Variants in ELFN1 observed in about 807,000 individuals in gnomAD.
ELFN1 encodes protein ELFN1.
ELFN1 carries 6 observed loss-of-function variants against 7.6 expected under a neutral mutation model. The ratio of observed to expected loss-of-function variants is 0.79; its 90% CI spans 0.43 to 1.56. The LOEUF (loss-of-function observed/expected upper bound fraction) is 1.56, where lower values mean the gene tolerates loss of function less well. Among genes scored for constraint, ELFN1 ranks in the 40% most tolerant of loss-of-function variants. The pLI is 0.01. For missense variants in ELFN1, 1,169 were observed against 1,232.2 expected (o/e 0.95, Z 0.77); for synonymous variants, 657 against 588.1 (o/e 1.12, Z -1.70).
chr7:1,732,466 A>T (rs541194544), intron 3 of ELFN1, among the ~76,000 whole-genome samples: 15 of 152,224 alleles, frequency 9.9e-5, no homozygotes, highest in African/African-American at 3.6e-4. Flanking sequence ...CTGGGTGGAG[A>T]TGGAGCACCA....
At chr7:1,702,806 G>T (rs560399774) in intron 2 of ELFN1, among the ~76,000 whole-genome samples, 43 of 151,340 alleles carry the variant, frequency 2.8e-4, no homozygotes, top group South Asian at 8.3e-4. Flanking sequence ...TATAATTTTT[G>T]TTTCTTTTTC....
At chr7:1,717,442 G>C (rs1040499680) in intron 3 of ELFN1, among the ~76,000 whole-genome samples, 1 of 152,208 alleles carries the variant, frequency 6.6e-6, no homozygotes, top group African/African-American at 2.4e-5. Context: ...ACCCAGGAAG[G>C]GGCAGGTGGA....
intron 2 of ELFN1, among the ~76,000 whole-genome samples, chr7:1,703,996 A>G (rs1323952178): frequency 3.3e-5 from 5 of 152,214 alleles, no homozygotes; most frequent in African/African-American, 7.2e-5. Context: ...ACCTTCAGCA[A>G]GAGGTGTCAC....
At position 1,685,295 on chromosome 7, in the gene ELFN1, T is replaced by C. The variant is rs568914538; in HGVS notation, c.-548-2763T>C. 5.9e-5 allele frequency among the ~76,000 whole-genome samples: 9 copies of C among 152,316 alleles called. No individual in the cohort carries two copies. In the South Asian group the frequency reaches 1.9e-3, roughly 32 times the overall value. On this transcript the variant is annotated intron_variant, in intron 1 of 3. Coordinates refer to ENST00000424383, the MANE Select transcript of ELFN1 (RefSeq NM_001128636.4). ...TGTGTCCAGGTTTGGATTTTTCTTG[T>C]GTTCATCTTATTTGGTGTTTGTTGA... is the stretch of plus-strand genomic sequence containing the variant.
At chr7:1,696,660 C>G (rs1779320375) in intron 2 of ELFN1, among the ~76,000 whole-genome samples, 1 of 152,148 alleles carries the variant, frequency 6.6e-6, no homozygotes, top group Non-Finnish European at 1.5e-5. Context: ...CCTCAGCCTC[C>G]CAAAGTGTTG....
intron 2 of ELFN1, among the ~76,000 whole-genome samples, chr7:1,696,011 A>G (rs1324060653): frequency 1.3e-5 from 2 of 152,148 alleles, no homozygotes; most frequent in East Asian, 3.9e-4. Context: ...TCTCATAACA[A>G]AAGCGGGACA....
chr7:1,687,226 G>A (rs1186765373), intron 1 of ELFN1, among the ~76,000 whole-genome samples: 7 of 152,152 alleles, frequency 4.6e-5, no homozygotes, highest in Non-Finnish European at 1.0e-4. Context: ...AAGGCCTTTG[G>A]TTAATTTCAA....
intron 2 of ELFN1, among the ~76,000 whole-genome samples, chr7:1,706,854 G>T (rs1409449343): frequency 6.6e-6 from 1 of 152,266 alleles, no homozygotes; most frequent in Admixed American, 6.5e-5. Flanking sequence ...TTGGGTTAAA[G>T]CTCAGGCTGT....
chr7:1,668,416 G>T (rs1204234435), upstream of ELFN1, among the ~76,000 whole-genome samples: 3 of 152,264 alleles, frequency 2.0e-5, no homozygotes, highest in Non-Finnish European at 2.9e-5. Flanking sequence ...GCCAGCACAG[G>T]CCTGGGGGAA....
chr7:1,746,657 C>T lies in ELFN1; in HGVS notation c.2061C>T (p.Ala687=), dbSNP rs1419715452. ...ADAILTVTPA[A]AVLRAEAEKG... Reference sequence around the variant, plus strand: ...CCATCCTCACTGTGACACCCGCGGCCGCCGTGCTGCGGGCCGAGGCCGAGA... The same window carrying T: ...CCATCCTCACTGTGACACCCGCGGCTGCCGTGCTGCGGGCCGAGGCCGAGA... The change falls in exon 4 of 4, where the codon GCC becomes GCT. Residue 687 remains alanine (A), a synonymous_variant. Transcript: ENST00000424383. 4.4e-6 allele frequency: 6 copies of T among 1,365,302 alleles called. No individual in the cohort carries two copies. In the African/African-American group the frequency reaches 6.2e-5, roughly 14 times the overall value. The allele number at this position is 1,365,302 out of a possible 1,614,324, so 84.6% of individuals were successfully genotyped here.
At chr7:1,675,094 C>A (rs10252526) in intron 1 of ELFN1, among the ~76,000 whole-genome samples, 1 of 151,956 alleles carries the variant, frequency 6.6e-6, no homozygotes, top group East Asian at 1.9e-4. Flanking sequence ...ACCCGGCAGC[C>A]CACGGCGTGG....
chr7:1,725,479 G>A (rs999209409), intron 3 of ELFN1, among the ~76,000 whole-genome samples: 1 of 151,926 alleles, frequency 6.6e-6, no homozygotes, highest in African/African-American at 2.4e-5. Flanking sequence ...CAGGTGTGAG[G>A]CAGAGCGGGG....
rs182391099 is a variant in ELFN1 at position 1,687,125 on chromosome 7, G to A, written c.-548-933G>A. On this transcript the variant is annotated intron_variant, in intron 1 of 3. Coordinates refer to ENST00000424383, the MANE Select transcript of ELFN1 (RefSeq NM_001128636.4). ...GGAATGACTGCATTAACTGAGTTGGGGGGAGGTGCGGGGGGAGATGGGAGA... is the reference window on the plus strand; with the variant it reads ...GGAATGACTGCATTAACTGAGTTGGAGGGAGGTGCGGGGGGAGATGGGAGA... 2.6e-3 allele frequency among the ~76,000 whole-genome samples: 401 copies of A among 152,274 alleles called. 1 individual carries two copies. The highest frequency in any genetic ancestry group is 4.1e-3 in the Non-Finnish European group (278 of 68,022).
intron 3 of ELFN1, among the ~76,000 whole-genome samples, chr7:1,718,879 C>T (rs1357914041): frequency 6.6e-6 from 1 of 152,166 alleles, no homozygotes; most frequent in Non-Finnish European, 1.5e-5. Context: ...GGTCTTGGGC[C>T]TCTGCCCTCA....
At chr7:1,672,019 C>T (rs1778777258) in intron 1 of ELFN1, among the ~76,000 whole-genome samples, 1 of 152,216 alleles carries the variant, frequency 6.6e-6, no homozygotes, top group Non-Finnish European at 1.5e-5. Flanking sequence ...GGGCCATGCC[C>T]CTCCCCCTGT....
rs964563101 is a variant in ELFN1 at position 1,673,482 on chromosome 7, G to GC, written c.-549+3135dup. 1.1e-4 allele frequency among the ~76,000 whole-genome samples: 16 copies of GC among 152,018 alleles called. No homozygotes were observed. The highest frequency in any genetic ancestry group is 2.4e-4 in the African/African-American group (10 of 41,392). ...TATGGGCACTCGAGCCCAGCACCGT[G>GC]CCCCCCCTCCCCGCCCCCTGCCCCG... On this transcript the variant is annotated intron_variant, in intron 1 of 3. Coordinates refer to ENST00000424383, the MANE Select transcript of ELFN1 (RefSeq NM_001128636.4). The surrounding 1 kb of genome is among the most constrained non-coding windows in gnomAD (Gnocchi z 4.7).
intron 3 of ELFN1, among the ~76,000 whole-genome samples, chr7:1,722,641 G>C (rs1466900747): frequency 1.3e-5 from 2 of 152,042 alleles, no homozygotes; most frequent in African/African-American, 4.8e-5. Flanking sequence ...GCCTCTCCTT[G>C]TATACCTCCA....
At chr7:1,730,272 AG>A (rs1233558334) in intron 3 of ELFN1, among the ~76,000 whole-genome samples, 4 of 152,210 alleles carry the variant, frequency 2.6e-5, no homozygotes, top group African/African-American at 7.2e-5. Context: ...TCCACTGGGG[AG>A]GGGGGCCAAG....
At chr7:1,736,147 GAGAC>G (rs1780435840) in intron 3 of ELFN1, among the ~76,000 whole-genome samples, 1 of 152,336 alleles carries the variant, frequency 6.6e-6, no homozygotes, top group African/African-American at 2.4e-5. Flanking sequence ...AGAGCCCAGG[GAGAC>G]AGACAGGGCG....
Sources: gnomAD v4.1 joint callset for allele counts (sites outside exome capture counted in the v4.1 genomes callset) on GRCh38, gnomAD v4.1.1 for gene constraint, Gnocchi (gnomAD v3.1) non-coding constraint, MANE v1.5 for transcripts, NCBI Gene and HGNC (gene_info 2026-07-23, HGNC 2026-07-21) for gene names.